TRIM32: variants seen among roughly 807,000 people sequenced by gnomAD.
TRIM32 encodes the protein tripartite motif containing 32.
Under a neutral mutation model 36.0 loss-of-function variants are expected in TRIM32, and 19 were observed. The observed-to-expected ratio is 0.53, with a 90% CI of 0.37 to 0.77. The LOEUF (loss-of-function observed/expected upper bound fraction) is 0.77. Ranked by LOEUF, TRIM32 falls within the 30% of genes least tolerant of loss-of-function variation. TRIM32 has a pLI of 0.00. For synonymous variants in TRIM32, 309 were observed against 318.5 expected, an observed-to-expected ratio of 0.97 and a Z score of 0.32; for missense variants, 747 against 845.2, an observed-to-expected ratio of 0.88 and a Z score of 1.44.
chr9:116,696,677 A>G (rs1377006475), intron 1 of TRIM32, among the ~76,000 whole-genome samples: 3 of 152,122 alleles, frequency 2.0e-5, no homozygotes, highest in Non-Finnish European at 1.5e-5. Flanking sequence ...TTCTGCCTTC[A>G]TTATTATTTA....
In TRIM32 at chr9:116,699,331, C is replaced by T. The variant is rs746472238; in HGVS notation, c.1589C>T (p.Thr530Ile). The T allele has an allele frequency of 6.2e-7, 1 of 1,614,196 alleles. No individual in the cohort carries two copies. The highest frequency in any genetic ancestry group is 8.5e-7 in the Non-Finnish European group (1 of 1,180,038). The change falls in exon 2 of 2, where the codon ACC (threonine) becomes ATC (isoleucine). Residue 530 changes from threonine to isoleucine, a missense_variant. Coordinates refer to ENST00000450136, the MANE Select transcript of TRIM32 (RefSeq NM_012210.4). The surrounding 1 kb of genome is among the most constrained non-coding windows in gnomAD (Gnocchi z 4.2). Reference protein sequence around the residue: ...TCDAEGTVYFTQGLGLNLENR... With the variant: ...TCDAEGTVYFIQGLGLNLENR... ...GATGCTGAGGGCACCGTCTACTTCA[C>T]CCAGGGCTTAGGCCTCAATCTGGAG...
rs368240408 is a variant in TRIM32, at chr9:116,699,597, C to T, written c.1855C>T (p.Pro619Ser). The T allele has an allele frequency of 2.5e-6, 4 of 1,614,056 alleles. No homozygotes were observed. The highest frequency in any genetic ancestry group is 3.4e-6 in the Non-Finnish European group (4 of 1,180,042). ...CCTTATTCGAGAGGGACTTACCTGT[C>T]CGGTGGGCATAGCCCTAACTCCTAA... is the stretch of plus-strand genomic sequence containing the variant. ...SVLIREGLTC[P>S]VGIALTPKGQ... is the part of the protein sequence containing the mutation. Residue 619 changes from proline to serine, a missense_variant, in exon 2 of 2, where the codon CCG becomes TCG. Pro to Ser is a moderately conservative substitution (Grantham distance 74). Transcript: ENST00000450136. This position sits in a 1 kb window ranked among gnomAD's most constrained non-coding sequence, Gnocchi z 4.2.
intron 1 of TRIM32, among the ~76,000 whole-genome samples, chr9:116,693,793 T>G (rs1860695294): frequency 6.6e-6 from 1 of 152,230 alleles, no homozygotes; most frequent in Admixed American, 6.5e-5. Context: ...ATTCCTTTTA[T>G]TTGTGTAGTC....
intron 1 of TRIM32, among the ~76,000 whole-genome samples, chr9:116,696,656 A>G (rs923994835): frequency 6.6e-6 from 1 of 152,138 alleles, no homozygotes; most frequent in African/African-American, 2.4e-5. Context: ...TATTTCGTTT[A>G]TAGTACCACT....
rs534626362 is a variant in TRIM32 at position 116,700,053 on chromosome 9, T to A, written c.*349T>A. On this transcript the variant is annotated 3_prime_UTR_variant, in exon 2 of 2. Transcript: ENST00000450136. ...CCCTTGTATTAAATCCTTGATTTTT[T>A]CCCATTTGGCTTTGATGCCCTTGAT... is the stretch of plus-strand genomic sequence containing the variant. The A allele has an allele frequency of 2.9e-6, 1 of 340,282 alleles. No homozygotes were observed. Among genetic ancestry groups the A allele is most frequent in the African/African-American group, 2.1e-5 (1 of 46,648 alleles). 21.1% of individuals were successfully genotyped at this position (340,282 alleles called of 1,614,324 possible).
chr9:116,689,209 A>C (rs1478039626), intron 1 of TRIM32, among the ~76,000 whole-genome samples: 1 of 152,104 alleles, frequency 6.6e-6, no homozygotes, highest in Admixed American at 6.5e-5. Context: ...TCCTAGCTCT[A>C]TCTCTTCCTG....
intron 1 of TRIM32, among the ~76,000 whole-genome samples, chr9:116,691,838 G>A (rs533336111): frequency 6.6e-6 from 1 of 152,300 alleles, no homozygotes; most frequent in Non-Finnish European, 1.5e-5. Flanking sequence ...CTGTTAGAAT[G>A]CATGAGGAAT....
At chr9:116,697,440 G>C (rs1860920203) in intron 1 of TRIM32, 2 of 386,466 alleles carry the variant, frequency 5.2e-6, no homozygotes, top group South Asian at 5.2e-5. Context: ...CTAAGTAAGT[G>C]TCTGAGACTA....
In TRIM32 at chr9:116,699,812, A is replaced by T; in HGVS notation, c.*108A>T. The T allele has an allele frequency of 6.7e-7, 1 of 1,494,326 alleles. No individual in the cohort carries two copies. Among genetic ancestry groups the T allele is most frequent in the Non-Finnish European group, 9.2e-7 (1 of 1,081,488 alleles). The allele number at this position is 1,494,326 out of a possible 1,614,324, so 92.6% of individuals were successfully genotyped here. A position where few individuals can be genotyped will look rare whatever the true frequency, so the allele number is the denominator to read the frequency against. On this transcript the variant is annotated 3_prime_UTR_variant, in exon 2 of 2. Transcript: ENST00000450136. This position sits in a 1 kb window ranked among gnomAD's most constrained non-coding sequence, Gnocchi z 4.2. ...TAGACTCAGCCTATGTCCTGATTCC[A>T]GCTGGGTAGTTCTAGAACTTCAGAA...
chr9:116,699,830 C>A lies in TRIM32; in HGVS notation c.*126C>A. 7.9e-7 allele frequency: 1 copy of A among 1,268,314 alleles called. No individual in the cohort carries two copies. Among genetic ancestry groups the A allele is most frequent in the Non-Finnish European group, 1.1e-6 (1 of 896,590 alleles). The allele number at this position is 1,268,314 out of a possible 1,614,324, so 78.6% of individuals were successfully genotyped here. ...TGATTCCAGCTGGGTAGTTCTAGAA[C>A]TTCAGAAGCTCCATCTTTTAATGTT... On this transcript the variant is annotated 3_prime_UTR_variant, in exon 2 of 2. Coordinates refer to ENST00000450136, the MANE Select transcript of TRIM32 (RefSeq NM_012210.4). The surrounding 1 kb of genome is among the most constrained non-coding windows in gnomAD (Gnocchi z 4.2).
rs73655470 is a variant in TRIM32, at chr9:116,688,506, T to C, written c.-82+1125T>C. Among the ~76,000 whole-genome samples, 49 of 152,240 alleles carry C rather than the reference T, an allele frequency of 3.2e-4. 1 individual carries two copies. The highest frequency in any genetic ancestry group is 1.2e-3 in the African/African-American group (48 of 41,530). On this transcript the variant is annotated intron_variant, in intron 1 of 1. Coordinates refer to ENST00000450136, the MANE Select transcript of TRIM32 (RefSeq NM_012210.4). ...AGGTGCTGAGGAACAAAGTGATAAA[T>C]CTTCAGTTCAGATAATCCTGAAGGA...
chr9:116,698,061 C>T lies in TRIM32; in HGVS notation c.319C>T (p.Leu107=), dbSNP rs886042410. The change falls in exon 2 of 2, where the codon CTG becomes TTG. Residue 107 remains leucine, a synonymous_variant. Transcript: ENST00000450136. The surrounding 1 kb of genome is among the most constrained non-coding windows in gnomAD (Gnocchi z 4.4). ...LLMCRSCGRR[L]PRQFCRSCGL... ...CATGTGTCGGTCCTGTGGGCGGCGT[C>T]TGCCCCGGCAATTCTGCCGGAGCTG... is the stretch of plus-strand genomic sequence containing the variant. The T allele has an allele frequency of 6.2e-7, 1 of 1,614,080 alleles. No individual in the cohort carries two copies. The highest frequency in any genetic ancestry group is 8.5e-7 in the Non-Finnish European group (1 of 1,180,038).
At chr9:116,697,342 G>A (rs1371568556) in intron 1 of TRIM32, 1 of 259,828 alleles carries the variant, frequency 3.8e-6, no homozygotes, top group East Asian at 8.8e-5. Flanking sequence ...AACCATATAA[G>A]GCAGACACCA....
rs1861086454 is a variant in TRIM32 at position 116,699,853 on chromosome 9, G to A, written c.*149G>A. On this transcript the variant is annotated 3_prime_UTR_variant, in exon 2 of 2. Transcript: ENST00000450136. The surrounding 1 kb of genome is among the most constrained non-coding windows in gnomAD (Gnocchi z 4.2). ...AACTTCAGAAGCTCCATCTTTTAAT[G>A]TTTTTATTTGTTATGTCCCCCTCCC... 1.9e-6 allele frequency: 2 copies of A among 1,071,268 alleles called. No individual in the cohort carries two copies. Among genetic ancestry groups the A allele is most frequent in the African/African-American group, 1.6e-5 (1 of 62,472 alleles). 66.4% of individuals were successfully genotyped at this position (1,071,268 alleles called of 1,614,324 possible).
chr9:116,692,113 G>A (rs1056446287), intron 1 of TRIM32, among the ~76,000 whole-genome samples: 4 of 152,194 alleles, frequency 2.6e-5, no homozygotes, highest in Non-Finnish European at 5.9e-5. Flanking sequence ...AAGTTCTCCA[G>A]TTTTGCTCAT....
In TRIM32 at chr9:116,698,467, T is replaced by A; in HGVS notation, c.725T>A (p.Phe242Tyr). 1 of 1,613,954 alleles carries A rather than the reference T, an allele frequency of 6.2e-7. No homozygotes were observed. Among genetic ancestry groups the A allele is most frequent in the South Asian group, 1.1e-5 (1 of 91,066 alleles). Residue 242 changes from phenylalanine to tyrosine, a missense_variant, in exon 2 of 2, where the codon TTC (phenylalanine) becomes TAC (tyrosine). Coordinates refer to ENST00000450136, the MANE Select transcript of TRIM32 (RefSeq NM_012210.4). This position sits in a 1 kb window ranked among gnomAD's most constrained non-coding sequence, Gnocchi z 4.4. ...CAGGCTGTGTCTCGCTGTGACTACT[T>A]CCTGGCCAAGATCAAGCAGGCAGAT... ...EVQAVSRCDY[F>Y]LAKIKQADVA...
rs1564218762 is a variant in TRIM32 at position 116,699,723 on chromosome 9, T to C, written c.*19T>C. On this transcript the variant is annotated 3_prime_UTR_variant, in exon 2 of 2. Transcript: ENST00000450136. The surrounding 1 kb of genome is among the most constrained non-coding windows in gnomAD (Gnocchi z 4.2). ...CCCATAGGGGATGAGAAATTATCAG[T>C]TTCTTCTGCTCCCAAGCCAACTTCC... 6.2e-7 allele frequency: 1 copy of C among 1,614,042 alleles called. No individual in the cohort carries two copies. Among genetic ancestry groups the C allele is most frequent in the Non-Finnish European group, 8.5e-7 (1 of 1,180,054 alleles).
intron 1 of TRIM32, among the ~76,000 whole-genome samples, chr9:116,690,107 T>C (rs888710974): frequency 1.3e-5 from 2 of 152,184 alleles, no homozygotes; most frequent in Admixed American, 1.3e-4. Flanking sequence ...AAAGAAAATA[T>C]GTCATGGGAA....
chr9:116,697,322 C>T (rs1330969954), intron 1 of TRIM32: 6 of 223,134 alleles, frequency 2.7e-5, no homozygotes, highest in Non-Finnish European at 5.5e-5. Flanking sequence ...TGTTACTTAG[C>T]CCTTATAATA....
Sources: allele counts gnomAD v4.1 joint callset (sites outside exome capture counted in the v4.1 genomes callset), GRCh38; gene constraint gnomAD v4.1.1; non-coding constraint Gnocchi (gnomAD v3.1); transcripts MANE v1.5; gene names NCBI Gene and HGNC (gene_info 2026-07-23, HGNC 2026-07-21).